Variants in NEIL1 observed in about 807,000 individuals in gnomAD.
NEIL1 encodes the protein endonuclease 8-like 1.
NEIL1 carries 31 observed loss-of-function variants against 44.2 expected under a neutral mutation model. The observed-to-expected ratio is 0.70, with a 90% CI of 0.53 to 0.95. The LOEUF (loss-of-function observed/expected upper bound fraction) is 0.95. Ranked by LOEUF, NEIL1 falls within the 40% of genes least tolerant of loss-of-function variation. The pLI, the probability that NEIL1 is intolerant of heterozygous loss-of-function variation, is 0.00. For missense variants in NEIL1, 549 were observed against 515.5 expected, an observed-to-expected ratio of 1.07 and a Z score of -0.63; for synonymous variants, 254 against 209.7, an observed-to-expected ratio of 1.21 and a Z score of -1.83.
chr15:75,348,038 A>AGGTGAGGAG (rs2141306938), intron 1 of NEIL1: 1 of 1,132,446 alleles, frequency 8.8e-7, no homozygotes, highest in Admixed American at 3.2e-5. Flanking sequence ...TGAGGAGTCG[A>AGGTGAGGAG]TACCCCCCAC....
chr15:75,351,391 T>C (rs2071881034), intron 2 of NEIL1: 1 of 386,788 alleles, frequency 2.6e-6, no homozygotes, highest in African/African-American at 2.2e-5. Context: ...TTCTCTCACC[T>C]CAACCTCCTG....
At position 75,352,173 on chromosome 15, in the gene NEIL1, T is replaced by C. The variant is rs2071953571; in HGVS notation, c.497T>C (p.Leu166Pro). The part of the protein sequence containing the change: ...AFDRPICEAL[L>P]DQRFFNGIGN... ...GACCGGCCCATCTGCGAGGCCCTCC[T>C]GGACCAGAGGTTCTTCAATGGCATT... The change falls in exon 3 of 10, where the codon CTG (leucine) becomes CCG (proline). Residue 166 changes from leucine to proline, a missense_variant. Transcript: ENST00000355059. 1.2e-6 allele frequency: 2 copies of C among 1,614,188 alleles called. No individual in the cohort carries two copies. The highest frequency in any genetic ancestry group is 1.7e-6 in the Non-Finnish European group (2 of 1,179,996).
rs773248849 is a variant in NEIL1 at position 75,349,004 on chromosome 15, C to T, written c.99C>T (p.Ser33=). 2 of 1,613,756 alleles carry T rather than the reference C, an allele frequency of 1.2e-6. No homozygotes were observed. The highest frequency in any genetic ancestry group is 1.7e-6 in the Non-Finnish European group (2 of 1,180,030). ...GCTGCGTGGAGAAGTCCTCTGTCAG[C>T]CGCAACCCTGAGGTGCCCTTTGAGA... ...FGGCVEKSSV[S]RNPEVPFESS... Residue 33 remains serine, a synonymous_variant, in exon 2 of 10, where the codon AGC becomes AGT. Transcript: ENST00000355059.
chr15:75,349,581 C>T (rs757444735), intron 2 of NEIL1: 37 of 523,674 alleles, frequency 7.1e-5, no homozygotes, highest in Admixed American at 3.7e-4. Context: ...TTTGGGAAGC[C>T]GAGGCGGGCA....
intron 7 of NEIL1, 61 bp from the exon 8 acceptor site, chr15:75,354,370 A>C: frequency 6.2e-7 from 1 of 1,611,170 alleles, no homozygotes; most frequent in Non-Finnish European, 8.5e-7. Context: ...TCCCCCTGCA[A>C]CCCTGGGAGT....
In NEIL1 at chr15:75,355,518, CA is replaced by C; in HGVS notation, c.*488del. ...CCCCCTCATCCTGGCAGGAGCCAGG[CA>C]AAACCCACCCTTCGGCCCCTCCCCA... is the stretch of plus-strand genomic sequence containing the variant. On this transcript the variant is annotated 3_prime_UTR_variant, in exon 10 of 10. Transcript: ENST00000355059. 4.1e-6 allele frequency: 1 copy of C among 245,024 alleles called. No homozygotes were observed. Among genetic ancestry groups the C allele is most frequent in the Non-Finnish European group, 8.0e-6 (1 of 125,660 alleles). The allele number at this position is 245,024 out of a possible 1,614,324, so 15.2% of individuals were successfully genotyped here. A position where few individuals can be genotyped will look rare whatever the true frequency, so the allele number is the denominator to read the frequency against.
chr15:75,349,215 G>GC lies in NEIL1; in HGVS notation c.314dup (p.Pro106AlafsTer50), dbSNP rs556576971. ...CCATGCCCACCTGCGCTTTTACACG[G>GC]CCCCGCCTGGCCCCCGGCTCGCCCT... On this transcript the variant is annotated frameshift_variant, in exon 2 of 10. Coordinates refer to ENST00000355059, the MANE Select transcript of NEIL1 (RefSeq NM_024608.4). LOFTEE classifies it high-confidence loss of function. 1.0e-3 allele frequency: 1,652 copies of GC among 1,609,216 alleles called. 2 individuals carry two copies. Among genetic ancestry groups the GC allele is most frequent in the Non-Finnish European group, 9.0e-4 (1,058 of 1,179,842 alleles).
rs5745915 is a variant in NEIL1 at position 75,350,669 on chromosome 15, G to A, written c.434+1330G>A. ...GAAAGTTGACTCCTGGCCTTCCCCT[G>A]TGTGAACTCCAAGCACATCCCCAGG... is the stretch of plus-strand genomic sequence containing the variant. On this transcript the variant is annotated intron_variant, in intron 2 of 9. Transcript: ENST00000355059. 2.3e-3 allele frequency among the ~76,000 whole-genome samples: 346 copies of A among 152,250 alleles called. 1 individual carries two copies. Among genetic ancestry groups the A allele is most frequent in the African/African-American group, 7.8e-3 (325 of 41,542 alleles).
chr15:75,356,354 A>T lies in NEIL1; in HGVS notation c.*1320A>T. On this transcript the variant is annotated 3_prime_UTR_variant, in exon 10 of 10. Transcript: ENST00000355059. This position sits in a 1 kb window ranked among gnomAD's most constrained non-coding sequence, Gnocchi z 5.8. ...GGTGAAGACACGGAAAACGCACTCC[A>T]GGAGGTGGCGGGCGCTGGGCTGGGG... 6.2e-7 allele frequency: 1 copy of T among 1,612,274 alleles called. No homozygotes were observed. The highest frequency in any genetic ancestry group is 8.5e-7 in the Non-Finnish European group (1 of 1,179,446).
Position 75,352,159 on chromosome 15 carries a change from C to G in NEIL1, c.483C>G (p.Ile161Met), listed in dbSNP as rs775250462. 6.2e-7 allele frequency: 1 copy of G among 1,614,198 alleles called. No individual in the cohort carries two copies. The highest frequency in any genetic ancestry group is 1.7e-5 in the Admixed American group (1 of 60,024). ...CGGATAAGGCCTTTGACCGGCCCAT[C>G]TGCGAGGCCCTCCTGGACCAGAGGT... is the stretch of plus-strand genomic sequence containing the variant. Reference protein sequence around the residue: ...NLADKAFDRPICEALLDQRFF... With the variant: ...NLADKAFDRPMCEALLDQRFF... Residue 161 changes from isoleucine to methionine, a missense_variant, in exon 3 of 10, where the codon ATC becomes ATG. Ile to Met is a conservative substitution (Grantham distance 10, BLOSUM62 1). Coordinates refer to ENST00000355059, the MANE Select transcript of NEIL1 (RefSeq NM_024608.4).
intron 7 of NEIL1, 24 bp from the exon 8 acceptor site, chr15:75,354,407 A>G (rs751629895): frequency 1.2e-6 from 2 of 1,614,084 alleles, no homozygotes; most frequent in South Asian, 2.2e-5. Context: ...AGGACCCTCC[A>G]ACTCCAACAC....
rs753512853 is a variant in NEIL1, at chr15:75,349,137, C to T, written c.232C>T (p.Arg78Cys). 8.7e-6 allele frequency: 14 copies of T among 1,610,560 alleles called. No homozygotes were observed. Among genetic ancestry groups the T allele is most frequent in the East Asian group, 2.2e-5 (1 of 44,886 alleles). Residue 78 changes from arginine to cysteine, a missense_variant, in exon 2 of 10, where the codon CGC becomes TGC. Arg to Cys is a radical substitution (Grantham distance 180). Transcript: ENST00000355059. ...ACAGGAGCCACTGGCCCTGGTCTTC[C>T]GCTTCGGCATGTCCGGCTCTTTTCA... Reference protein sequence around the residue: ...PQQEPLALVFRFGMSGSFQLV... With the variant: ...PQQEPLALVFCFGMSGSFQLV...
Position 75,356,355 on chromosome 15 carries a change from G to C in NEIL1, c.*1321G>C, listed in dbSNP as rs996044483. 6.2e-7 allele frequency: 1 copy of C among 1,612,326 alleles called. No homozygotes were observed. On this transcript the variant is annotated 3_prime_UTR_variant, in exon 10 of 10. Coordinates refer to ENST00000355059, the MANE Select transcript of NEIL1 (RefSeq NM_024608.4). The surrounding 1 kb of genome is among the most constrained non-coding windows in gnomAD (Gnocchi z 5.8). The stretch of plus-strand genomic sequence containing the variant: ...GTGAAGACACGGAAAACGCACTCCA[G>C]GAGGTGGCGGGCGCTGGGCTGGGGG...
At chr15:75,351,159 G>A in intron 2 of NEIL1, 2 of 430,698 alleles carry the variant, frequency 4.6e-6, no homozygotes, top group Non-Finnish European at 9.1e-6. Flanking sequence ...CACCACAAAT[G>A]CTATACAGGG....
rs986815898 is a variant in NEIL1, at chr15:75,347,077, A to G, written c.-419A>G. 6.6e-6 allele frequency: 1 copy of G among 151,998 alleles called. No individual in the cohort carries two copies. The highest frequency in any genetic ancestry group is 6.6e-5 in the Admixed American group (1 of 15,264). 9.4% of individuals were successfully genotyped at this position (151,998 alleles called of 1,614,324 possible). On this transcript the variant is annotated 5_prime_UTR_variant, in exon 1 of 10. Coordinates refer to ENST00000355059, the MANE Select transcript of NEIL1 (RefSeq NM_024608.4). Reference sequence around the variant, plus strand: ...CGTTTTTGCGGACTGGCGCTTTCTGATTTCAGAGACTCTCCGCAACAGAAC... The same window carrying G: ...CGTTTTTGCGGACTGGCGCTTTCTGGTTTCAGAGACTCTCCGCAACAGAAC...
chr15:75,354,003 C>T (rs965596711), intron 6 of NEIL1, 137 bp downstream of exon 6: 3 of 1,234,800 alleles, frequency 2.4e-6, no homozygotes, highest in African/African-American at 3.0e-5. Context: ...AGGGTCACAC[C>T]CCTCCCCTCC....
chr15:75,348,864 G>C lies in NEIL1; in HGVS notation c.-22-20G>C. The C allele has an allele frequency of 6.3e-7, 1 of 1,594,464 alleles. No homozygotes were observed. The highest frequency in any genetic ancestry group is 8.5e-7 in the Non-Finnish European group (1 of 1,171,954). ...ACAAAGTCCACACCGGGCTCAACCC[G>C]CTGCCTTCCTCCCCAACAGGACTCT... On this transcript the variant is annotated intron_variant, in intron 1 of 9. Coordinates refer to ENST00000355059, the MANE Select transcript of NEIL1 (RefSeq NM_024608.4).
At chr15:75,349,943 C>T (rs2071750841) in intron 2 of NEIL1, among the ~76,000 whole-genome samples, 1 of 152,244 alleles carries the variant, frequency 6.6e-6, no homozygotes, top group Admixed American at 6.5e-5. Context: ...CACAATCCCA[C>T]ACCACCTCTC....
rs1303644797 is a variant in NEIL1, at chr15:75,349,442, CCTCAGTTCTCTCAT to C, written c.434+106_434+119del. On this transcript the variant is annotated intron_variant, in intron 2 of 9. Transcript: ENST00000355059. ...GGGGCGAGTCCCTGCCCCTTCTGGG[CCTCAGTTCTCTCAT>C]CTGCAGATCAAGACAGTATACCTGT... 3.8e-5 allele frequency: 43 copies of C among 1,122,170 alleles called. 1 individual carries two copies. In the East Asian group the frequency reaches 1.1e-3, roughly 28 times the overall value. 69.5% of individuals were successfully genotyped at this position (1,122,170 alleles called of 1,614,324 possible). A position where few individuals can be genotyped will look rare whatever the true frequency, so the allele number is the denominator to read the frequency against.
Sources: allele counts gnomAD v4.1 joint callset (sites outside exome capture counted in the v4.1 genomes callset), GRCh38; gene constraint gnomAD v4.1.1; non-coding constraint Gnocchi (gnomAD v3.1); transcripts MANE v1.5; gene names NCBI Gene and HGNC (gene_info 2026-07-23, HGNC 2026-07-21).